Variants in KYAT1 observed in about 807,000 individuals in gnomAD.
KYAT1 encodes kynurenine aminotransferase 1, also known as kynurenine--oxoglutarate transaminase 1.
Under a neutral mutation model 52.4 loss-of-function variants are expected in KYAT1, and 47 were observed. The ratio of observed to expected loss-of-function variants is 0.90; its 90% CI spans 0.71 to 1.14. The LOEUF is 1.14. Among genes scored for constraint, KYAT1 ranks in the 50% most tolerant of loss-of-function variants. The pLI, the probability that KYAT1 is intolerant of heterozygous loss-of-function variation, is 0.00. For missense variants in KYAT1, 480 were observed against 557.9 expected (o/e 0.86, Z 1.41); for synonymous variants, 212 against 209.6 (o/e 1.01, Z -0.10).
At chr9:128,853,227 A>G (rs938678315) in intron 1 of KYAT1, among the ~76,000 whole-genome samples, 1 of 152,224 alleles carries the variant, frequency 6.6e-6, no homozygotes, top group Non-Finnish European at 1.5e-5. Context: ...TGTGGGAATT[A>G]TTGACAATCA....
chr9:128,838,408 G>A (rs1365360326), intron 3 of KYAT1, 41 bp from the exon 4 acceptor site: 2 of 1,612,638 alleles, frequency 1.2e-6, no homozygotes, highest in Non-Finnish European at 1.7e-6. Context: ...CTCAGCCTGG[G>A]CCCATCCTCC....
intron 1 of KYAT1, among the ~76,000 whole-genome samples, chr9:128,848,672 GC>G (rs1448517907): frequency 6.6e-6 from 1 of 151,940 alleles, no homozygotes; most frequent in Non-Finnish European, 1.5e-5. Context: ...ACAAAAATTA[GC>G]CAGGCATGGT....
intron 1 of KYAT1, chr9:128,847,343 G>A (rs1254195624): frequency 2.5e-6 from 2 of 800,018 alleles, no homozygotes; most frequent in Non-Finnish European, 3.9e-6. Context: ...GAAAGAGAAG[G>A]CTCATGCACA....
At chr9:128,842,255 T>G (rs993974384) in intron 3 of KYAT1, 2 of 179,356 alleles carry the variant, frequency 1.1e-5, no homozygotes, top group African/African-American at 2.4e-5. Context: ...ATTTACTATG[T>G]GGTCCTTTCC....
chr9:128,835,247 C>T, intron 11 of KYAT1, 76 bp downstream of exon 11: 1 of 1,197,198 alleles, frequency 8.4e-7, no homozygotes, highest in Non-Finnish European at 1.2e-6. Flanking sequence ...AGCCCAGGAG[C>T]CTCTTGCCTG....
At chr9:128,859,166 T>A (rs1043395149) in intron 1 of KYAT1, among the ~76,000 whole-genome samples, 1 of 151,288 alleles carries the variant, frequency 6.6e-6, no homozygotes, top group Non-Finnish European at 1.5e-5. Context: ...ATCGAGACCA[T>A]CCTGGCTAAC....
At chr9:128,836,251 T>TTC (rs757916426) in intron 7 of KYAT1, 178 bp from the exon 8 acceptor site, 48 of 469,016 alleles carry the variant, frequency 1.0e-4, no homozygotes, top group East Asian at 2.5e-4. Context: ...CCTTCCTTCT[T>TTC]TCTCTCTCTC....
chr9:128,847,529 G>A (rs978864584), intron 1 of KYAT1: 2 of 1,533,840 alleles, frequency 1.3e-6, no homozygotes, highest in East Asian at 2.4e-5. Flanking sequence ...TCCTGAACAT[G>A]CCTCCCAGAG....
At chr9:128,866,736 CCT>C (rs921117649) in intron 1 of KYAT1, among the ~76,000 whole-genome samples, 4 of 151,964 alleles carry the variant, frequency 2.6e-5, no homozygotes, top group Admixed American at 2.6e-4. Flanking sequence ...ATGGTGAAAC[CCT>C]GTCTCTACTA....
chr9:128,865,326 TATATATATATATATATATA>T (rs1836092423), intron 1 of KYAT1, among the ~76,000 whole-genome samples: 4 of 46,640 alleles, frequency 8.6e-5, no homozygotes, highest in African/African-American at 6.0e-4. Context: ...TATATATATA[TATATATATATATATATATA>T]TATATATATA....
At chr9:128,847,695 C>A (rs3763597) in intron 1 of KYAT1, 13 of 551,380 alleles carry the variant, frequency 2.4e-5, no homozygotes, top group Non-Finnish European at 3.9e-5. Context: ...ATGGTCATTG[C>A]GTGCCAGGAA....
At chr9:128,852,918 G>A (rs527645524) in intron 1 of KYAT1, among the ~76,000 whole-genome samples, 1 of 152,254 alleles carries the variant, frequency 6.6e-6, no homozygotes, top group Non-Finnish European at 1.5e-5. Flanking sequence ...GTCAGCACAA[G>A]TAAATAGAAT....
At chr9:128,880,843 G>C (rs1188657119) in intron 1 of KYAT1, among the ~76,000 whole-genome samples, 1 of 152,124 alleles carries the variant, frequency 6.6e-6, no homozygotes, top group Admixed American at 6.5e-5. Flanking sequence ...ACTAGGCATT[G>C]GCTTAACACG....
At chr9:128,875,696 G>C (rs1237880428) in intron 1 of KYAT1, among the ~76,000 whole-genome samples, 1 of 152,128 alleles carries the variant, frequency 6.6e-6, no homozygotes, top group East Asian at 1.9e-4. Context: ...CACCGAGGAG[G>C]CCCAGCACCA....
intron 3 of KYAT1, chr9:128,842,249 A>C (rs1407605330): frequency 1.1e-5 from 2 of 179,016 alleles, no homozygotes; most frequent in Admixed American, 1.2e-4. Context: ...TCACATATTT[A>C]CTATGTGGTC....
At chr9:128,839,583 C>A (rs1201520999) in intron 3 of KYAT1, among the ~76,000 whole-genome samples, 1 of 152,048 alleles carries the variant, frequency 6.6e-6, no homozygotes, top group Non-Finnish European at 1.5e-5. Flanking sequence ...CGAGATCGCG[C>A]CACTGCACTC....
chr9:128,839,368 T>C (rs1831718766), intron 3 of KYAT1, among the ~76,000 whole-genome samples: 1 of 152,170 alleles, frequency 6.6e-6, no homozygotes, highest in Non-Finnish European at 1.5e-5. Flanking sequence ...GTTGCAGCTT[T>C]GTAAGCACCC....
At chr9:128,837,844 A>G (rs758683844) in intron 5 of KYAT1, 31 bp from the exon 6 acceptor site, 10 of 1,611,152 alleles carry the variant, frequency 6.2e-6, no homozygotes, top group Admixed American at 3.3e-5. Context: ...GGGTGGTACC[A>G]CTTAACCACC....
intron 1 of KYAT1, among the ~76,000 whole-genome samples, chr9:128,877,361 A>C (rs1387009342): frequency 6.6e-6 from 1 of 152,078 alleles, no homozygotes; most frequent in African/African-American, 2.4e-5. Context: ...GAAAGCACCT[A>C]CCTGTGCCTG....
Sources: allele counts gnomAD v4.1 joint callset (sites outside exome capture counted in the v4.1 genomes callset), GRCh38; gene constraint gnomAD v4.1.1; transcripts MANE v1.5; gene names NCBI Gene and HGNC (gene_info 2026-07-23, HGNC 2026-07-21).